The following TMEM135 variants were observed in gnomAD, a reference collection of about 807,000 sequenced individuals.
The protein encoded by TMEM135 is peroxisomal membrane protein 52.
In TMEM135, 30 loss-of-function variants were observed where a neutral mutation model predicts 60.3. The observed-to-expected ratio is 0.50, with a 90% confidence interval of 0.37 to 0.68. The LOEUF is 0.68. TMEM135 is among the 30% of genes least tolerant of loss of function. The probability of loss-of-function intolerance (pLI) is 0.00; values close to 1 mark genes in which losing one functional copy is unlikely to be tolerated. For missense variants in TMEM135, 468 were observed against 548.8 expected (o/e 0.85, Z 1.47); for synonymous variants, 190 against 186.7 (o/e 1.02, Z -0.14).
intron 4 of TMEM135, among the ~76,000 whole-genome samples, chr11:87,110,792 T>C (rs111752584): frequency 1.3e-5 from 2 of 150,000 alleles, no homozygotes; most frequent in African/African-American, 4.9e-5. Context: ...GTGTGTGTGA[T>C]GAATAAATGA....
intron 5 of TMEM135, among the ~76,000 whole-genome samples, chr11:87,211,934 A>G (rs1416613885): frequency 6.6e-6 from 1 of 150,946 alleles, no homozygotes; most frequent in African/African-American, 2.4e-5. Flanking sequence ...ACAGAGGGAG[A>G]CTCCGTCTCA....
chr11:87,098,919 A>C (rs916877624), intron 4 of TMEM135, among the ~76,000 whole-genome samples: 2 of 152,016 alleles, frequency 1.3e-5, no homozygotes, highest in Non-Finnish European at 2.9e-5. Context: ...CGATCTCCTG[A>C]CCTCGTGATC....
intron 5 of TMEM135, among the ~76,000 whole-genome samples, chr11:87,174,979 A>G (rs1003483091): frequency 1.3e-5 from 2 of 152,160 alleles, no homozygotes; most frequent in Non-Finnish European, 2.9e-5. Context: ...GCCACTGGTC[A>G]TCACTTTCAG....
chr11:87,242,007 C>G (rs1167507958), intron 6 of TMEM135, among the ~76,000 whole-genome samples: 1 of 151,848 alleles, frequency 6.6e-6, no homozygotes, highest in Non-Finnish European at 1.5e-5. Context: ...TCCCTGCCCC[C>G]CACCCCACAA....
chr11:87,126,049 T>C (rs1937716643), intron 4 of TMEM135, among the ~76,000 whole-genome samples: 1 of 152,182 alleles, frequency 6.6e-6, no homozygotes, highest in East Asian at 1.9e-4. Flanking sequence ...CAAGGAACAA[T>C]ATTTTATTGT....
At chr11:87,207,755 C>T (rs1591104417) in intron 5 of TMEM135, among the ~76,000 whole-genome samples, 1 of 152,288 alleles carries the variant, frequency 6.6e-6, no homozygotes, top group East Asian at 1.9e-4. Context: ...CCTACTGGAG[C>T]ACCTCATACC....
At chr11:87,202,556 T>G (rs1591100337) in intron 5 of TMEM135, among the ~76,000 whole-genome samples, 1 of 152,108 alleles carries the variant, frequency 6.6e-6, no homozygotes, top group East Asian at 1.9e-4. Context: ...TAACTCATAG[T>G]TTGCATTTTT....
intron 5 of TMEM135, among the ~76,000 whole-genome samples, chr11:87,201,950 T>TTTATGTTATC (rs1940103375): frequency 7.3e-6 from 1 of 137,816 alleles, no homozygotes; most frequent in Non-Finnish European, 1.6e-5. Context: ...GTATTTATTT[T>TTTATGTTATC]TTATGTTATG....
chr11:87,278,507 A>G (rs2135417971), intron 6 of TMEM135, among the ~76,000 whole-genome samples: 1 of 151,910 alleles, frequency 6.6e-6, no homozygotes, highest in Admixed American at 6.6e-5. Context: ...CTGGGATTAC[A>G]GGTGCCTGCC....
chr11:87,093,807 C>T (rs1368704385), intron 4 of TMEM135, among the ~76,000 whole-genome samples: 1 of 152,112 alleles, frequency 6.6e-6, no homozygotes, highest in African/African-American at 2.4e-5. Flanking sequence ...GCTGTTATTA[C>T]AGGCATTAGC....
intron 2 of TMEM135, among the ~76,000 whole-genome samples, chr11:87,069,963 T>G (rs2513238): frequency 0.46 from 69,673 of 151,370 alleles, 16,952 homozygotes; most frequent in East Asian, 0.64. Context: ...CTTGAGGCTG[T>G]CAGTTCGAGG....
At chr11:87,188,442 C>T (rs1939706008) in intron 5 of TMEM135, among the ~76,000 whole-genome samples, 1 of 152,048 alleles carries the variant, frequency 6.6e-6, no homozygotes, top group Non-Finnish European at 1.5e-5. Flanking sequence ...TAGCTCATGC[C>T]TGTAATCCCA....
At chr11:87,109,507 A>G (rs188149582) in intron 4 of TMEM135, among the ~76,000 whole-genome samples, 45 of 152,312 alleles carry the variant, frequency 3.0e-4, no homozygotes, top group Admixed American at 2.4e-3. Flanking sequence ...GTGAGATACT[A>G]AATTGCCAGC....
Position 87,324,984 on chromosome 11 carries a change from A to T in TMEM135, c.*3651A>T, listed in dbSNP as rs1412175452. 2.2e-6 allele frequency: 1 copy of T among 454,084 alleles called. No individual in the cohort carries two copies. The highest frequency in any genetic ancestry group is 2.3e-5 in the Admixed American group (1 of 42,562). 28.1% of individuals were successfully genotyped at this position (454,084 alleles called of 1,614,324 possible). A position where few individuals can be genotyped will look rare whatever the true frequency, so the allele number is the denominator to read the frequency against. On this transcript the variant is annotated 3_prime_UTR_variant, in exon 15 of 15. Coordinates refer to ENST00000305494, the MANE Select transcript of TMEM135 (RefSeq NM_022918.4). ...GGGCTGCACTTTGAATGTGATGAGTAATAAGGTTACCTTCATTGTGGAGGT... is the reference window on the plus strand; with the variant it reads ...GGGCTGCACTTTGAATGTGATGAGTTATAAGGTTACCTTCATTGTGGAGGT...
chr11:87,268,027 G>A (rs192705782), intron 6 of TMEM135, among the ~76,000 whole-genome samples: 62 of 151,574 alleles, frequency 4.1e-4, no homozygotes, highest in Non-Finnish European at 6.0e-4. Flanking sequence ...AATACAGTGT[G>A]CCCTAGAGTA....
intron 6 of TMEM135, among the ~76,000 whole-genome samples, chr11:87,292,513 T>C (rs1020380918): frequency 3.3e-5 from 5 of 152,218 alleles, no homozygotes; most frequent in African/African-American, 1.2e-4. Context: ...TGAGGAACCT[T>C]CAAATGGAGT....
At chr11:87,096,762 G>T (rs990738607) in intron 4 of TMEM135, among the ~76,000 whole-genome samples, 15 of 152,192 alleles carry the variant, frequency 9.9e-5, no homozygotes, top group African/African-American at 3.6e-4. Context: ...GCTAGGCTTT[G>T]ATAAGAGTCA....
chr11:87,166,036 C>T (rs552481846), intron 5 of TMEM135, among the ~76,000 whole-genome samples: 2 of 151,198 alleles, frequency 1.3e-5, no homozygotes, highest in Admixed American at 6.6e-5. Context: ...CAAGACTAAA[C>T]CAGGAAGAAG....
At chr11:87,290,169 AGTTT>A (rs1565158652) in intron 6 of TMEM135, among the ~76,000 whole-genome samples, 8 of 152,158 alleles carry the variant, frequency 5.3e-5, no homozygotes, top group Non-Finnish European at 8.8e-5. Context: ...AAATCAAAAT[AGTTT>A]GTTCTCATTC....
Sources: allele counts gnomAD v4.1 joint callset (sites outside exome capture counted in the v4.1 genomes callset), GRCh38; gene constraint gnomAD v4.1.1; transcripts MANE v1.5; gene names NCBI Gene and HGNC (gene_info 2026-07-23, HGNC 2026-07-21).